LIMA1: variants seen among roughly 807,000 people sequenced by gnomAD.
LIMA1 encodes LIM domain and actin-binding protein 1.
A neutral mutation model predicts 62.6 loss-of-function variants in LIMA1; 52 were observed. That is an observed-to-expected ratio of 0.83 (90% confidence interval 0.67 to 1.05). LIMA1 has a LOEUF of 1.05. Ranked by LOEUF, LIMA1 falls within the 50% of genes least tolerant of loss-of-function variation. The pLI is 0.00. For missense variants in LIMA1, 780 were observed against 902.2 expected (o/e 0.86, Z 1.74); for synonymous variants, 302 against 317.8 (o/e 0.95, Z 0.53).
chr12:50,244,633 A>G (rs975744258), intron 2 of LIMA1, among the ~76,000 whole-genome samples: 1 of 152,194 alleles, frequency 6.6e-6, no homozygotes. Context: ...CAATCCTTTC[A>G]GCCTTCATGG....
At chr12:50,234,835 A>T (rs1407729839) in intron 2 of LIMA1, among the ~76,000 whole-genome samples, 1 of 152,092 alleles carries the variant, frequency 6.6e-6, no homozygotes, top group African/African-American at 2.4e-5. Context: ...GCAACACAGT[A>T]AAACCCTGTC....
intron 4 of LIMA1, among the ~76,000 whole-genome samples, chr12:50,213,217 T>C (rs892099025): frequency 2.6e-5 from 4 of 152,270 alleles, no homozygotes; most frequent in Non-Finnish European, 5.9e-5. Context: ...CTGATGCTTT[T>C]CAATTAGTTA....
chr12:50,225,130 A>C (rs1055924023), intron 3 of LIMA1, among the ~76,000 whole-genome samples: 2 of 151,912 alleles, frequency 1.3e-5, no homozygotes, highest in African/African-American at 4.8e-5. Context: ...TCGAACTCCC[A>C]GCCTCAGGTG....
At chr12:50,273,828 A>G (rs1040998516) in intron 1 of LIMA1, among the ~76,000 whole-genome samples, 2 of 152,208 alleles carry the variant, frequency 1.3e-5, no homozygotes, top group Non-Finnish European at 2.9e-5. Flanking sequence ...TAGAGAATGA[A>G]AACAGAAGAA....
chr12:50,232,730 G>C (rs1221874435), intron 2 of LIMA1, among the ~76,000 whole-genome samples: 1 of 151,556 alleles, frequency 6.6e-6, no homozygotes. Context: ...GCTCATGCCT[G>C]TAATCCCAGC....
intron 9 of LIMA1, among the ~76,000 whole-genome samples, chr12:50,183,097 G>A (rs1306766166): frequency 6.6e-6 from 1 of 152,164 alleles, no homozygotes; most frequent in South Asian, 2.1e-4. Context: ...AGTTACTCGG[G>A]AGGCTGAGGC....
At chr12:50,244,737 G>C (rs1941823977) in intron 2 of LIMA1, among the ~76,000 whole-genome samples, 1 of 152,166 alleles carries the variant, frequency 6.6e-6, no homozygotes, top group Admixed American at 6.6e-5. Flanking sequence ...TAAAGATGAA[G>C]CCTTTTCCAA....
chr12:50,183,000 G>A (rs763663543), intron 9 of LIMA1, among the ~76,000 whole-genome samples: 1 of 151,968 alleles, frequency 6.6e-6, no homozygotes, highest in Non-Finnish European at 1.5e-5. Context: ...TCAGGAGTTC[G>A]AGACCAGCCT....
chr12:50,202,925 T>C (rs1941080330), intron 6 of LIMA1, among the ~76,000 whole-genome samples: 1 of 152,062 alleles, frequency 6.6e-6, no homozygotes, highest in Non-Finnish European at 1.5e-5. Context: ...GCTTGAAGGA[T>C]ACAAAAATAT....
intron 3 of LIMA1, among the ~76,000 whole-genome samples, chr12:50,226,909 C>A (rs117211078): frequency 7.4e-6 from 1 of 134,268 alleles, no homozygotes; most frequent in Non-Finnish European, 1.6e-5. Flanking sequence ...AATTCTTTTT[C>A]TTTTTTTTTT....
intron 2 of LIMA1, among the ~76,000 whole-genome samples, chr12:50,242,946 C>A (rs1450335105): frequency 6.6e-6 from 1 of 152,168 alleles, no homozygotes; most frequent in African/African-American, 2.4e-5. Context: ...AGGCTAGATT[C>A]TCTTTAATTC....
intron 2 of LIMA1, among the ~76,000 whole-genome samples, chr12:50,248,205 TAG>T (rs1399555446): frequency 6.6e-6 from 1 of 152,216 alleles, no homozygotes; most frequent in Non-Finnish European, 1.5e-5. Context: ...AGTGCAGGTA[TAG>T]AGAGTGCTTA....
At chr12:50,234,294 C>T (rs745465099) in intron 2 of LIMA1, 3 of 326,646 alleles carry the variant, frequency 9.2e-6, no homozygotes, top group Admixed American at 4.8e-5. Context: ...CTGCAACCTC[C>T]GCTTCCTGGG....
At chr12:50,202,006 CTG>C (rs1393463150) in intron 6 of LIMA1, 3 of 152,376 alleles carry the variant, frequency 2.0e-5, no homozygotes, top group Admixed American at 1.3e-4. Context: ...TTTCTGTTCT[CTG>C]TGAATCTTTA....
intron 1 of LIMA1, chr12:50,256,285 A>T (rs1941996662): frequency 6.6e-6 from 1 of 151,940 alleles, no homozygotes; most frequent in Non-Finnish European, 1.5e-5. Flanking sequence ...TCACACAGGG[A>T]CCATGCTAAT....
intron 10 of LIMA1, among the ~76,000 whole-genome samples, chr12:50,180,701 T>C (rs1267049153): frequency 1.3e-5 from 2 of 152,152 alleles, no homozygotes; most frequent in Non-Finnish European, 2.9e-5. Flanking sequence ...AGATTTGGTG[T>C]CTCTTGCAGG....
chr12:50,226,707 C>T lies in LIMA1; in HGVS notation c.166-4222G>A, dbSNP rs567159847. 3.9e-5 allele frequency among the ~76,000 whole-genome samples: 6 copies of T among 151,998 alleles called. No individual in the cohort carries two copies. The South Asian group carries it at 8.3e-4, about 21-fold the overall frequency. ...TACAAAAATTAGGTGGGCGTGGTGG[C>T]GTGCGCCTGTAATCCTAGCTACTCG... On this transcript the variant is annotated intron_variant, in intron 3 of 10. Coordinates refer to ENST00000341247, the MANE Select transcript of LIMA1 (RefSeq NM_016357.5).
chr12:50,205,967 T>C lies in LIMA1; in HGVS notation c.715+17A>G, dbSNP rs770924836. 6.3e-7 allele frequency: 1 copy of C among 1,599,002 alleles called. No homozygotes were observed. Among genetic ancestry groups the C allele is most frequent in the South Asian group, 1.1e-5 (1 of 90,272 alleles). ...TACTTCCTAAAGGACCTCATACACA[T>C]GGAACTCTCTGCTTACCTGGGCCTA... On this transcript the variant is annotated intron_variant, in intron 5 of 10. Transcript: ENST00000341247.
intron 3 of LIMA1, among the ~76,000 whole-genome samples, chr12:50,226,732 G>A (rs1941533845): frequency 6.6e-6 from 1 of 151,714 alleles, no homozygotes; most frequent in South Asian, 2.1e-4. Context: ...CTAGCTACTC[G>A]GGAGGCTGAG....
Sources: allele counts gnomAD v4.1 joint callset (sites outside exome capture counted in the v4.1 genomes callset), GRCh38; gene constraint gnomAD v4.1.1; transcripts MANE v1.5; gene names NCBI Gene and HGNC (gene_info 2026-07-23, HGNC 2026-07-21).